Variants in ZNF311 observed in about 807,000 individuals in gnomAD.
ZNF311 encodes the protein zinc finger protein zfp31.
Under a neutral mutation model 22.7 loss-of-function variants are expected in ZNF311, and 14 were observed. That is an observed-to-expected ratio of 0.62 (90% CI 0.41 to 0.96). ZNF311 has a LOEUF of 0.96. ZNF311 is among the 40% of genes least tolerant of loss of function. The pLI is 0.00. For synonymous variants in ZNF311, 250 were observed against 275.3 expected, an observed-to-expected ratio of 0.91 and a Z score of 0.91; for missense variants, 731 against 799.0, an observed-to-expected ratio of 0.91 and a Z score of 1.03.
At position 28,996,411 on chromosome 6, in the gene ZNF311, T is replaced by A. The variant is rs1467924330; in HGVS notation, c.591A>T (p.Thr197=). 6.2e-7 allele frequency: 1 copy of A among 1,610,950 alleles called. No homozygotes were observed. The highest frequency in any genetic ancestry group is 8.5e-7 in the Non-Finnish European group (1 of 1,180,020). The change falls in exon 7 of 7, where the codon ACA becomes ACT. Residue 197 remains threonine, a synonymous_variant. Coordinates refer to ENST00000377179, the MANE Select transcript of ZNF311 (RefSeq NM_001382360.1). ...QDVKLENQWE[T]SIREKLREEK... ...CTTCTCTCAGTTTCTCCCTTATAGATGTTTCCCATTGATTCTCTAATTTGA... is the reference window on the plus strand; with the variant it reads ...CTTCTCTCAGTTTCTCCCTTATAGAAGTTTCCCATTGATTCTCTAATTTGA...
Position 28,995,936 on chromosome 6 carries a change from C to T in ZNF311, c.1066G>A (p.Glu356Lys). 1 of 1,613,868 alleles carries T rather than the reference C, an allele frequency of 6.2e-7. No homozygotes were observed. The highest frequency in any genetic ancestry group is 1.7e-5 in the Admixed American group (1 of 60,016). ...CAGCAGTTACATTTGTAAGGCTTCT[C>T]CCCGGTGTGGATAAGCTGATGCATA... ...LCMHQLIHTG[E>K]KPYKCNCCGK... The change falls in exon 7 of 7, where the codon GAG becomes AAG. Residue 356 changes from glutamate (E) to lysine (K), a missense_variant. Physicochemically the swap from Glu to Lys is moderately conservative, Grantham distance 56. Coordinates refer to ENST00000377179, the MANE Select transcript of ZNF311 (RefSeq NM_001382360.1). This position sits in a 1 kb window ranked among gnomAD's most constrained non-coding sequence, Gnocchi z 4.7.
chr6:29,003,302 T>G (rs1039026125), intron 3 of ZNF311, among the ~76,000 whole-genome samples: 2 of 152,244 alleles, frequency 1.3e-5, no homozygotes, highest in Non-Finnish European at 2.9e-5. Context: ...ACACACTGAT[T>G]TTTTTCAAAA....
intron 5 of ZNF311, among the ~76,000 whole-genome samples, 190 bp downstream of exon 5, chr6:28,999,297 C>A (rs1780093549): frequency 6.6e-6 from 1 of 151,956 alleles, no homozygotes; most frequent in South Asian, 2.1e-4. Flanking sequence ...CAGAAAACAG[C>A]AACTAGGTTA....
intron 6 of ZNF311, among the ~76,000 whole-genome samples, chr6:28,998,462 G>A (rs1779944994): frequency 6.6e-6 from 1 of 152,114 alleles, no homozygotes. Context: ...AAATTGCTGG[G>A]ATTACAGGCA....
intron 3 of ZNF311, among the ~76,000 whole-genome samples, chr6:29,001,438 T>C (rs1780438350): frequency 6.6e-6 from 1 of 152,226 alleles, no homozygotes; most frequent in Non-Finnish European, 1.5e-5. Flanking sequence ...ATCTCAGTCA[T>C]GGTGGTTCCA....
Position 28,999,578 on chromosome 6 carries a change from G to A in ZNF311, c.219C>T (p.Phe73=), listed in dbSNP as rs148312438. The A allele has an allele frequency of 2.1e-5, 34 of 1,613,646 alleles. 1 individual carries two copies. In the African/African-American group the frequency reaches 2.4e-4, roughly 11 times the overall value. Residue 73 remains phenylalanine (F), a synonymous_variant, in exon 5 of 7, where the codon TTC becomes TTT. Transcript: ENST00000377179. ...SVTFEDVAVN[F]TNREWQCLTY... ...TCAGACACTGCCACTCCCTGTTAGT[G>A]AAGTTCACAGCTACATCCTCAAATG... is the stretch of plus-strand genomic sequence containing the variant.
rs764335545 is a variant in ZNF311 at position 29,000,047 on chromosome 6, G to A, written c.92C>T (p.Ala31Val). The A allele has an allele frequency of 9.0e-5, 145 of 1,612,624 alleles. No homozygotes were observed. Among genetic ancestry groups the A allele is most frequent in the Non-Finnish European group, 1.2e-4 (139 of 1,179,614 alleles). The change falls in exon 4 of 7, where the codon GCT becomes GTT. Residue 31 changes from alanine (A) to valine (V), a missense_variant and splice_region_variant. Coordinates refer to ENST00000377179, the MANE Select transcript of ZNF311 (RefSeq NM_001382360.1). ...RQDTQLPQES[A>V]LLPAPYPAFT... ...GGCAGGATATGGAGCAGGTAATAGAGCTGAGGGAAGATAAGTAAGCCAAGA... is the reference window on the plus strand; with the variant it reads ...GGCAGGATATGGAGCAGGTAATAGAACTGAGGGAAGATAAGTAAGCCAAGA...
chr6:29,000,455 A>G (rs956258869), intron 3 of ZNF311, among the ~76,000 whole-genome samples: 5 of 152,170 alleles, frequency 3.3e-5, no homozygotes, highest in Non-Finnish European at 5.9e-5. Flanking sequence ...GAGGGTGAAA[A>G]AGAGTGTGTG....
At chr6:29,005,480 G>A (rs189041931), upstream of ZNF311, among the ~76,000 whole-genome samples, 1,025 of 152,112 alleles carry the variant, frequency 6.7e-3, 7 homozygotes, top group Middle Eastern at 0.017. Flanking sequence ...CCAGGGGCCC[G>A]GGTATTTAGG....
chr6:28,999,285 A>G (rs184134179), intron 5 of ZNF311, among the ~76,000 whole-genome samples: 105 of 152,198 alleles, frequency 6.9e-4, no homozygotes, highest in Non-Finnish European at 1.2e-3. Context: ...CTCATTCCAA[A>G]TCAGAAAACA....
intron 6 of ZNF311, among the ~76,000 whole-genome samples, chr6:28,997,429 G>A (rs1279523855): frequency 6.6e-6 from 1 of 152,076 alleles, no homozygotes; most frequent in Non-Finnish European, 1.5e-5. Flanking sequence ...AAGCTAGCTT[G>A]GGTTAATTTC....
chr6:28,994,853 G>T lies in ZNF311; in HGVS notation c.*148C>A. ...ACTCTTGGAAGTAAATGTGCTCACT[G>T]AAAAAATAGTGAATAAGAAGGTAAA... On this transcript the variant is annotated 3_prime_UTR_variant, in exon 7 of 7. Transcript: ENST00000377179. 1 of 910,404 alleles carries T rather than the reference G, an allele frequency of 1.1e-6. No individual in the cohort carries two copies. The highest frequency in any genetic ancestry group is 1.6e-6 in the Non-Finnish European group (1 of 629,052). 56.4% of individuals were successfully genotyped at this position (910,404 alleles called of 1,614,324 possible).
chr6:28,996,923 C>T (rs905761357), intron 6 of ZNF311, among the ~76,000 whole-genome samples: 16 of 152,286 alleles, frequency 1.1e-4, no homozygotes, highest in African/African-American at 3.9e-4. Context: ...ACAAATTCTA[C>T]CTGTGAAGAG....
At chr6:29,003,398 A>T in intron 3 of ZNF311, 115 bp downstream of exon 3, 1 of 851,398 alleles carries the variant, frequency 1.2e-6, no homozygotes, top group Non-Finnish European at 2.0e-6. Context: ...ACTTTCTATA[A>T]ATGCTCATTA....
upstream of ZNF311, among the ~76,000 whole-genome samples, chr6:29,005,481 G>A (rs1209492468): frequency 6.6e-6 from 1 of 152,000 alleles, no homozygotes; most frequent in Non-Finnish European, 1.5e-5. Flanking sequence ...CAGGGGCCCG[G>A]GTATTTAGGT....
Position 28,996,118 on chromosome 6 carries a change from A to C in ZNF311, c.884T>G (p.Ile295Arg). 3.7e-6 allele frequency: 6 copies of C among 1,613,222 alleles called. No individual in the cohort carries two copies. The highest frequency in any genetic ancestry group is 5.1e-6 in the Non-Finnish European group (6 of 1,179,968). ...KTRNQLSMHR[I>R]IHTGEKPFNC... ...AAAAGGTTTCTCCCCTGTGTGGATTATCCGGTGCATAGAAAGCTGATTTCT... is the reference window on the plus strand; with the variant it reads ...AAAAGGTTTCTCCCCTGTGTGGATTCTCCGGTGCATAGAAAGCTGATTTCT... The change falls in exon 7 of 7, where the codon ATA (isoleucine) becomes AGA (arginine). Residue 295 changes from isoleucine (I) to arginine (R), a missense_variant. By Grantham distance (97) the Ile-to-Arg change is moderately conservative. Coordinates refer to ENST00000377179, the MANE Select transcript of ZNF311 (RefSeq NM_001382360.1).
chr6:29,004,165 T>G lies in ZNF311; in HGVS notation c.-211A>C. ...TAATGTGTCAAACACTGCCCTGGAT[T>G]TGGGGTTCATTAGCAACACTAAACC... On this transcript the variant is annotated 5_prime_UTR_variant, in exon 2 of 7. Coordinates refer to ENST00000377179, the MANE Select transcript of ZNF311 (RefSeq NM_001382360.1). 6.9e-7 allele frequency: 1 copy of G among 1,449,174 alleles called. No individual in the cohort carries two copies. 89.8% of individuals were successfully genotyped at this position (1,449,174 alleles called of 1,614,324 possible).
rs767128116 is a variant in ZNF311 at position 28,995,694 on chromosome 6, G to A, written c.1308C>T (p.Ile436=). The A allele has an allele frequency of 1.9e-6, 3 of 1,613,528 alleles. No individual in the cohort carries two copies. The African/African-American group carries it at 4.0e-5, about 22-fold the overall frequency. The change falls in exon 7 of 7, where the codon ATC becomes ATT. Residue 436 remains isoleucine (I), a synonymous_variant. Transcript: ENST00000377179. This position sits in a 1 kb window ranked among gnomAD's most constrained non-coding sequence, Gnocchi z 4.7. ...RSSDLSKHKR[I]HTREKHYGCP... is the part of the protein sequence containing the mutation. ...ACCCATAGTGTTTCTCCCGAGTATGGATTCGTTTGTGTTTGCTTAGGTCTG... is the reference window on the plus strand; with the variant it reads ...ACCCATAGTGTTTCTCCCGAGTATGAATTCGTTTGTGTTTGCTTAGGTCTG...
In ZNF311 at chr6:28,995,116, T is replaced by C. The variant is rs761736631; in HGVS notation, c.1886A>G (p.His629Arg). 3.7e-6 allele frequency: 6 copies of C among 1,614,032 alleles called. No homozygotes were observed. In the South Asian group the frequency reaches 5.5e-5, roughly 15 times the overall value. The change falls in exon 7 of 7, where the codon CAT becomes CGT. Residue 629 changes from histidine to arginine, a missense_variant. Physicochemically the swap from His to Arg is conservative, Grantham distance 29. Coordinates refer to ENST00000377179, the MANE Select transcript of ZNF311 (RefSeq NM_001382360.1). This position sits in a 1 kb window ranked among gnomAD's most constrained non-coding sequence, Gnocchi z 4.7. ...AFRVSSNLTGHKKRKHQVWST... is the reference protein window; with the variant it reads ...AFRVSSNLTGRKKRKHQVWST... ...CCATACTTGATGTTTTCTTTTCTTA[T>C]GTCCAGTAAGATTTGAGCTCACTCT...
Sources: allele counts gnomAD v4.1 joint callset (sites outside exome capture counted in the v4.1 genomes callset), GRCh38; gene constraint gnomAD v4.1.1; non-coding constraint Gnocchi (gnomAD v3.1); transcripts MANE v1.5; gene names NCBI Gene and HGNC (gene_info 2026-07-23, HGNC 2026-07-21).